GALNTL6: variants seen among roughly 807,000 people sequenced by gnomAD.
GALNTL6 encodes polypeptide N-acetylgalactosaminyltransferase-like 6.
A neutral mutation model predicts 73.7 loss-of-function variants in GALNTL6; 46 were observed. That is an observed-to-expected ratio of 0.62 (90% CI 0.49 to 0.80). The LOEUF is 0.80. GALNTL6 is among the 30% of genes least tolerant of loss of function. GALNTL6 has a pLI of 0.00. For synonymous variants in GALNTL6, 259 were observed against 263.7 expected (o/e 0.98, Z 0.17); for missense variants, 604 against 755.0 (o/e 0.80, Z 2.34).
chr4:172,685,382 C>G (rs1425529512), intron 5 of GALNTL6, among the ~76,000 whole-genome samples: 1 of 152,144 alleles, frequency 6.6e-6, no homozygotes, highest in African/African-American at 2.4e-5. Context: ...CAATACAGCT[C>G]TCAGGAGAGA....
At chr4:172,016,781 A>G (rs1462306567) in intron 2 of GALNTL6, among the ~76,000 whole-genome samples, 1 of 151,782 alleles carries the variant, frequency 6.6e-6, no homozygotes, top group African/African-American at 2.4e-5. Context: ...CCTCTTAAGG[A>G]TCAGACTTTG....
intron 8 of GALNTL6, among the ~76,000 whole-genome samples, chr4:172,910,637 CACAATTGTTTAAAT>C (rs2111262014): frequency 1.3e-5 from 2 of 152,300 alleles, no homozygotes; most frequent in South Asian, 4.1e-4. Flanking sequence ...ACATGAATCT[CACAATTGTTTAAAT>C]ACAAACTCTA....
chr4:171,909,444 C>T (rs566485993), intron 2 of GALNTL6, among the ~76,000 whole-genome samples: 1 of 152,276 alleles, frequency 6.6e-6, no homozygotes, highest in South Asian at 2.1e-4. Context: ...GAAAGATCAT[C>T]TTACTTCTAT....
chr4:172,735,227 C>T (rs548332707), intron 5 of GALNTL6, among the ~76,000 whole-genome samples: 18 of 152,304 alleles, frequency 1.2e-4, no homozygotes, highest in African/African-American at 4.3e-4. Flanking sequence ...CTGTACCCTG[C>T]AAAGCCACAG....
At chr4:172,747,979 A>G (rs1308754205) in intron 5 of GALNTL6, among the ~76,000 whole-genome samples, 1 of 141,592 alleles carries the variant, frequency 7.1e-6, no homozygotes, top group Non-Finnish European at 1.5e-5. Context: ...ATTGCTAACA[A>G]TGTTGTCAAT....
At chr4:172,524,837 T>A (rs1158481143) in intron 5 of GALNTL6, among the ~76,000 whole-genome samples, 1 of 152,236 alleles carries the variant, frequency 6.6e-6, no homozygotes, top group South Asian at 2.1e-4. Flanking sequence ...TGGTTTTATT[T>A]GTTCTTTTTA....
At position 172,561,206 on chromosome 4, in the gene GALNTL6, T is replaced by C. The variant is rs377602902; in HGVS notation, c.553+212517T>C. 2.8e-5 allele frequency among the ~76,000 whole-genome samples: 4 copies of C among 143,444 alleles called. No individual in the cohort carries two copies. In the South Asian group the frequency reaches 8.8e-4, roughly 32 times the overall value. The allele number at this position is 143,444 out of a possible 152,430, so 94.1% of individuals were successfully genotyped here. ...AAGCGGAGCTTGCAGTGAGCCGAGA[T>C]TGCGCCACTGCAGTCCGCAGTCCGG... On this transcript the variant is annotated intron_variant, in intron 5 of 12. Transcript: ENST00000506823.
intron 10 of GALNTL6, among the ~76,000 whole-genome samples, chr4:172,963,726 G>A (rs1299710971): frequency 6.6e-6 from 1 of 152,130 alleles, no homozygotes; most frequent in Non-Finnish European, 1.5e-5. Flanking sequence ...TGGAAAGCTC[G>A]GCCAGAAAGG....
At chr4:171,988,283 G>C (rs1053469980) in intron 2 of GALNTL6, among the ~76,000 whole-genome samples, 1 of 152,244 alleles carries the variant, frequency 6.6e-6, no homozygotes, top group African/African-American at 2.4e-5. Context: ...GAGATTAATC[G>C]GCCACAATCA....
At chr4:172,300,107 C>T (rs1739854329) in intron 3 of GALNTL6, among the ~76,000 whole-genome samples, 1 of 152,106 alleles carries the variant, frequency 6.6e-6, no homozygotes, top group Admixed American at 6.6e-5. Flanking sequence ...TTGAATTGAT[C>T]CGTTTACCAT....
chr4:172,041,828 C>T (rs1250044110), intron 2 of GALNTL6, among the ~76,000 whole-genome samples: 1 of 151,984 alleles, frequency 6.6e-6, no homozygotes, highest in Non-Finnish European at 1.5e-5. Flanking sequence ...GTATCCTCTC[C>T]TTGACTCTGG....
intron 5 of GALNTL6, among the ~76,000 whole-genome samples, chr4:172,740,405 C>T (rs1348603279): frequency 6.6e-6 from 1 of 152,148 alleles, no homozygotes; most frequent in Non-Finnish European, 1.5e-5. Context: ...GAAAAGTCAT[C>T]GTGTTGTTCA....
rs1451367359 is a variant in GALNTL6 at position 171,866,616 on chromosome 4, G to A, written c.138+51898G>A. 5.3e-5 allele frequency among the ~76,000 whole-genome samples: 8 copies of A among 152,116 alleles called. No homozygotes were observed. In the East Asian group the frequency reaches 1.5e-3, roughly 29 times the overall value. ...CAGCCTGCTGTAACAAAGTACCATA[G>A]ACCAGATGACTGACAAACAACAGAA... On this transcript the variant is annotated intron_variant, in intron 2 of 12. Coordinates refer to ENST00000506823, the MANE Select transcript of GALNTL6 (RefSeq NM_001034845.3).
At chr4:172,203,121 G>A (rs1736007476) in intron 2 of GALNTL6, among the ~76,000 whole-genome samples, 1 of 152,148 alleles carries the variant, frequency 6.6e-6, no homozygotes. Flanking sequence ...GAGATTTGAA[G>A]TTCAGACTAA....
intron 2 of GALNTL6, among the ~76,000 whole-genome samples, chr4:171,826,649 G>T (rs510341): frequency 0.68 from 102,881 of 151,956 alleles, 36,834 homozygotes; most frequent in East Asian, 0.83. Flanking sequence ...TTGTTTCAAA[G>T]CCGCATATCA....
intron 5 of GALNTL6, among the ~76,000 whole-genome samples, chr4:172,639,754 A>G (rs576825487): frequency 6.6e-6 from 1 of 152,116 alleles, no homozygotes; most frequent in Non-Finnish European, 1.5e-5. Context: ...AGCTCCCACC[A>G]TAATATCTAC....
chr4:172,655,612 G>A (rs1050596588), intron 5 of GALNTL6, among the ~76,000 whole-genome samples: 2 of 152,098 alleles, frequency 1.3e-5, no homozygotes, highest in African/African-American at 4.8e-5. Context: ...CTGAAAGCAC[G>A]TCTTATTTCC....
At chr4:172,527,789 A>C (rs1735013711) in intron 5 of GALNTL6, among the ~76,000 whole-genome samples, 1 of 152,110 alleles carries the variant, frequency 6.6e-6, no homozygotes, top group African/African-American at 2.4e-5. Flanking sequence ...TGTTTGAATG[A>C]GTTTCAGGCT....
intron 2 of GALNTL6, among the ~76,000 whole-genome samples, chr4:171,981,627 T>A (rs981492976): frequency 6.6e-6 from 1 of 152,236 alleles, no homozygotes; most frequent in Non-Finnish European, 1.5e-5. Flanking sequence ...GATCTTTATA[T>A]GTTAAATGAA....
Sources: allele counts gnomAD v4.1 joint callset (sites outside exome capture counted in the v4.1 genomes callset), GRCh38; gene constraint gnomAD v4.1.1; transcripts MANE v1.5; gene names NCBI Gene and HGNC (gene_info 2026-07-23, HGNC 2026-07-21).